The following NAALADL2 variants were observed in gnomAD, a reference collection of about 807,000 sequenced individuals.
NAALADL2 encodes the protein N-acetylated alpha-linked acidic dipeptidase like 2.
Under a neutral mutation model 87.2 loss-of-function variants are expected in NAALADL2, and 76 were observed. That is an observed-to-expected ratio of 0.87 (90% CI 0.72 to 1.05). The LOEUF is 1.05. Ranked by LOEUF, NAALADL2 falls within the 50% of genes least tolerant of loss-of-function variation. The probability of loss-of-function intolerance (pLI) is 0.00; values close to 1 mark genes in which losing one functional copy is unlikely to be tolerated. For synonymous variants in NAALADL2, 354 were observed against 331.0 expected, an observed-to-expected ratio of 1.07 and a Z score of -0.75; for missense variants, 1,089 against 945.8, an observed-to-expected ratio of 1.15 and a Z score of -1.99.
At chr3:175,435,781 G>A (rs575159690) in intron 5 of NAALADL2, among the ~76,000 whole-genome samples, 10 of 151,084 alleles carry the variant, frequency 6.6e-5, no homozygotes, top group South Asian at 2.1e-4. Flanking sequence ...CTGATGATCC[G>A]TACCTATGGA....
rs35752458 is a variant in NAALADL2, at chr3:174,751,662, C to CAAAAAAA, written c.-9+13927_-9+13933dup. Among the ~76,000 whole-genome samples the CAAAAAAA allele has an allele frequency of 6.2e-5, 8 of 128,418 alleles. 1 individual carries two copies. The highest frequency in any genetic ancestry group is 1.3e-4 in the Non-Finnish European group (8 of 61,412). 84.2% of individuals were successfully genotyped at this position (128,418 alleles called of 152,430 possible). A position where few individuals can be genotyped will look rare whatever the true frequency, so the allele number is the denominator to read the frequency against. ...TTGCTGACAGAGCGAGACTTTGTCT[C>CAAAAAAA]AAAAAAAAAAAAAAAAAGTTATTAA... On this transcript the variant is annotated intron_variant, in intron 3 of 3. Coordinates refer to the NAALADL2 transcript ENST00000434257.
At chr3:175,132,904 C>T (rs1419622054) in intron 2 of NAALADL2, among the ~76,000 whole-genome samples, 4 of 150,962 alleles carry the variant, frequency 2.6e-5, no homozygotes, top group Admixed American at 1.3e-4. Flanking sequence ...GGCTGCCGGG[C>T]GGAGGGACTC....
At chr3:175,268,364 C>T (rs1435220723) in intron 4 of NAALADL2, among the ~76,000 whole-genome samples, 21 of 152,146 alleles carry the variant, frequency 1.4e-4, no homozygotes, top group African/African-American at 5.1e-4. Flanking sequence ...CTGTATAGGG[C>T]ACTTAGCGTC....
At chr3:175,378,427 C>T (rs1323981061) in intron 5 of NAALADL2, among the ~76,000 whole-genome samples, 2 of 152,214 alleles carry the variant, frequency 1.3e-5, no homozygotes, top group Non-Finnish European at 2.9e-5. Flanking sequence ...TTATGTTGTG[C>T]TTTGTATTGC....
intron 10 of NAALADL2, among the ~76,000 whole-genome samples, chr3:175,592,296 CTT>C (rs377183965): frequency 0.67 from 96,620 of 145,126 alleles, 33,284 homozygotes; most frequent in East Asian, 0.85. Flanking sequence ...CTATTCTTTT[CTT>C]TTTCTTTTCT....
intron 3 of NAALADL2, among the ~76,000 whole-genome samples, chr3:174,745,489 A>G (rs1488973986): frequency 6.6e-6 from 1 of 152,196 alleles, no homozygotes; most frequent in Non-Finnish European, 1.5e-5. Flanking sequence ...ATGGATTTAC[A>G]GCAGAATTCT....
chr3:175,160,397 G>C (rs1354181839), intron 2 of NAALADL2, among the ~76,000 whole-genome samples: 1 of 60,158 alleles, frequency 1.7e-5, no homozygotes, highest in Admixed American at 2.0e-4. Flanking sequence ...TTGAGTTAGA[G>C]GTTTGCTCTT....
chr3:175,216,644 ATTTTTTTTC>A (rs759970810), intron 2 of NAALADL2, among the ~76,000 whole-genome samples: 2 of 132,068 alleles, frequency 1.5e-5, no homozygotes, highest in Admixed American at 8.0e-5. Flanking sequence ...TTGACAAGCA[ATTTTTTTTC>A]TTTTTTTTTC....
At chr3:175,258,213 C>T (rs1256954226) in intron 4 of NAALADL2, among the ~76,000 whole-genome samples, 1 of 149,104 alleles carries the variant, frequency 6.7e-6, no homozygotes, top group Non-Finnish European at 1.5e-5. Flanking sequence ...GAGGCTGAGG[C>T]AAGAGAATCG....
At chr3:174,544,702 C>T (rs1415631592) in intron 1 of NAALADL2, among the ~76,000 whole-genome samples, 1 of 151,302 alleles carries the variant, frequency 6.6e-6, no homozygotes, top group Non-Finnish European at 1.5e-5. Context: ...TCCCGAGTAG[C>T]TGGGATTACA....
At chr3:175,356,628 A>G (rs1335518620) in intron 5 of NAALADL2, among the ~76,000 whole-genome samples, 1 of 144,152 alleles carries the variant, frequency 6.9e-6, no homozygotes, top group African/African-American at 2.5e-5. Context: ...AAAAGAAAAT[A>G]CCATTGTATT....
intron 2 of NAALADL2, among the ~76,000 whole-genome samples, chr3:174,726,817 C>A (rs1158327450): frequency 6.6e-6 from 1 of 152,064 alleles, no homozygotes; most frequent in African/African-American, 2.4e-5. Flanking sequence ...TGTGTTCACG[C>A]GTTTCCACTG....
At chr3:174,467,016 G>GT (rs949373935) in intron 1 of NAALADL2, among the ~76,000 whole-genome samples, 21 of 150,558 alleles carry the variant, frequency 1.4e-4, no homozygotes, top group African/African-American at 2.4e-4. Context: ...ATTAGAAGTT[G>GT]TTTTTTTTTA....
At chr3:175,013,588 T>G (rs903276782) in intron 1 of NAALADL2, among the ~76,000 whole-genome samples, 1 of 151,902 alleles carries the variant, frequency 6.6e-6, no homozygotes, top group Admixed American at 6.6e-5. Flanking sequence ...AATGAACCAC[T>G]GTACCAGGCC....
intron 3 of NAALADL2, among the ~76,000 whole-genome samples, chr3:174,753,164 C>CTTCA (rs1266361154): frequency 6.6e-6 from 1 of 152,032 alleles, no homozygotes; most frequent in Non-Finnish European, 1.5e-5. Context: ...AGTGCAGTGG[C>CTTCA]TTCATCTCAA....
At chr3:175,417,929 G>A (rs574618864) in intron 5 of NAALADL2, among the ~76,000 whole-genome samples, 2 of 152,222 alleles carry the variant, frequency 1.3e-5, no homozygotes, top group African/African-American at 4.8e-5. Context: ...CTGTTTAATG[G>A]ATTGAGCTCC....
At chr3:175,798,912 A>ATAGG (rs1471148294) in intron 13 of NAALADL2, among the ~76,000 whole-genome samples, 10 of 152,196 alleles carry the variant, frequency 6.6e-5, no homozygotes, top group African/African-American at 2.4e-4. Context: ...CACATAATGT[A>ATAGG]TAGGTAGAAA....
chr3:174,961,586 A>C (rs1254436352), intron 1 of NAALADL2, among the ~76,000 whole-genome samples: 3 of 151,366 alleles, frequency 2.0e-5, no homozygotes, highest in Non-Finnish European at 3.0e-5. Flanking sequence ...TTTTAATTCA[A>C]GTACCTTATC....
chr3:175,441,215 A>G (rs1312663709), intron 5 of NAALADL2, among the ~76,000 whole-genome samples: 1 of 152,196 alleles, frequency 6.6e-6, no homozygotes, highest in South Asian at 2.1e-4. Context: ...ACAAAGTTCC[A>G]AAAAGCAAAA....
Sources: allele counts gnomAD v4.1 joint callset (sites outside exome capture counted in the v4.1 genomes callset), GRCh38; gene constraint gnomAD v4.1.1; transcripts MANE v1.5; gene names NCBI Gene and HGNC (gene_info 2026-07-23, HGNC 2026-07-21).